ENO2: variants seen among roughly 807,000 people sequenced by gnomAD.
ENO2 encodes the protein enolase 2.
In ENO2, 19 loss-of-function variants were observed where a neutral mutation model predicts 48.7. The observed-to-expected ratio is 0.39, with a 90% confidence interval of 0.27 to 0.57. The LOEUF (loss-of-function observed/expected upper bound fraction) is 0.57, where lower values mean the gene tolerates loss of function less well. ENO2 is among the 20% of genes least tolerant of loss of function. The probability of loss-of-function intolerance (pLI) is 0.58; values close to 1 mark genes in which losing one functional copy is unlikely to be tolerated. For synonymous variants in ENO2, 198 were observed against 213.4 expected, an observed-to-expected ratio of 0.93 and a Z score of 0.63; for missense variants, 416 against 555.0, an observed-to-expected ratio of 0.75 and a Z score of 2.52.
chr12:6,916,901 C>T lies in ENO2; in HGVS notation c.241-137C>T. ...CCTGCTCCCATGGGAGTTCAGGTCC[C>T]CTAATCCAGGTAGGCCCCTGTCACA... On this transcript the variant is annotated intron_variant, in intron 4 of 11. Coordinates refer to ENST00000229277, the MANE Select transcript of ENO2 (RefSeq NM_001975.3). The surrounding 1 kb of genome is among the most constrained non-coding windows in gnomAD (Gnocchi z 4.5). The T allele has an allele frequency of 4.2e-6, 6 of 1,414,342 alleles. No homozygotes were observed. The highest frequency in any genetic ancestry group is 5.9e-6 in the Non-Finnish European group (6 of 1,020,766). 87.6% of individuals were successfully genotyped at this position (1,414,342 alleles called of 1,614,324 possible).
intron 9 of ENO2, 102 bp from the exon 10 acceptor site, chr12:6,921,954 G>T: frequency 2.6e-6 from 4 of 1,550,326 alleles, no homozygotes; most frequent in Non-Finnish European, 3.6e-6. Flanking sequence ...TCCCCTCCCA[G>T]ATAGCTTTCC....
chr12:6,916,676 C>T lies in ENO2; in HGVS notation c.187C>T (p.Leu63=), dbSNP rs1945294845. ...CAGCCTCTTCCTTTCCCCAGGTGTC[C>T]TGAAGGCAGTGGACCACATCAACTC... ...DKQRYLGKGV[L]KAVDHINSTI... The change falls in exon 4 of 12, where the codon CTG becomes TTG. Residue 63 remains leucine (L), a synonymous_variant. Transcript: ENST00000229277. This position sits in a 1 kb window ranked among gnomAD's most constrained non-coding sequence, Gnocchi z 4.5. 6.2e-7 allele frequency: 1 copy of T among 1,614,058 alleles called. No individual in the cohort carries two copies. The highest frequency in any genetic ancestry group is 1.7e-5 in the Admixed American group (1 of 60,006).
chr12:6,917,956 A>T lies in ENO2; in HGVS notation c.461A>T (p.Asn154Ile), dbSNP rs781989065. 1.2e-6 allele frequency: 2 copies of T among 1,614,122 alleles called. No individual in the cohort carries two copies. Among genetic ancestry groups the T allele is most frequent in the Non-Finnish European group, 1.7e-6 (2 of 1,180,010 alleles). Residue 154 changes from asparagine (N) to isoleucine (I), a missense_variant, in exon 7 of 12, where the codon AAT (asparagine) becomes ATT (isoleucine). Transcript: ENST00000229277. ...ILPVPAFNVI[N>I]GGSHAGNKLA... ...GCTCCCCAGGCCTTCAACGTGATCA[A>T]TGGTGGCTCTCATGCTGGCAACAAG...
chr12:6,921,122 T>C (rs909922266), intron 8 of ENO2, among the ~76,000 whole-genome samples: 2 of 151,660 alleles, frequency 1.3e-5, no homozygotes, highest in Non-Finnish European at 2.9e-5. Flanking sequence ...GAGCCAGGCG[T>C]GGTGGCTCAT....
Position 6,917,648 on chromosome 12 carries a change from G to A in ENO2, c.378G>A (p.Arg126=). 2 of 1,613,820 alleles carry A rather than the reference G, an allele frequency of 1.2e-6. No individual in the cohort carries two copies. The highest frequency in any genetic ancestry group is 1.7e-6 in the Non-Finnish European group (2 of 1,179,918). ...TGTGTAAGGCAGGGGCAGCTGAGCGGGAACTGCCCCTGTATCGCCACATTG... is the reference window on the plus strand; with the variant it reads ...TGTGTAAGGCAGGGGCAGCTGAGCGAGAACTGCCCCTGTATCGCCACATTG... ...LAVCKAGAAE[R]ELPLYRHIAQ... The change falls in exon 6 of 12, where the codon CGG becomes CGA. Residue 126 remains arginine, a synonymous_variant. Coordinates refer to ENST00000229277, the MANE Select transcript of ENO2 (RefSeq NM_001975.3).
rs1945354130 is a variant in ENO2, at chr12:6,922,865, C to G, written c.*65C>G. 6.3e-7 allele frequency: 1 copy of G among 1,579,366 alleles called. No homozygotes were observed. Among genetic ancestry groups the G allele is most frequent in the Non-Finnish European group, 8.7e-7 (1 of 1,150,294 alleles). On this transcript the variant is annotated 3_prime_UTR_variant, in exon 12 of 12. Transcript: ENST00000229277. The surrounding 1 kb of genome is among the most constrained non-coding windows in gnomAD (Gnocchi z 5.3). Reference sequence around the variant, plus strand: ...CCTCCTGGAACCTTGCTGTCCTGATCTGTGATAGTTCACCCCCTGAGATCC... The same window carrying G: ...CCTCCTGGAACCTTGCTGTCCTGATGTGTGATAGTTCACCCCCTGAGATCC...
intron 8 of ENO2, 31 bp from the exon 9 acceptor site, chr12:6,921,550 C>G (rs781891397): frequency 1.7e-5 from 27 of 1,608,114 alleles, no homozygotes; most frequent in Non-Finnish European, 2.2e-5. Flanking sequence ...AGATGAACAC[C>G]TCCCCCCTCC....
At chr12:6,918,307 A>G (rs893562047) in intron 7 of ENO2, 145 bp downstream of exon 7, 2 of 782,310 alleles carry the variant, frequency 2.6e-6, no homozygotes, top group South Asian at 1.8e-5. Flanking sequence ...CTTAGAGTGG[A>G]TTGCAGAGAG....
At chr12:6,918,542 A>G (rs190229761) in intron 7 of ENO2, among the ~76,000 whole-genome samples, 1,729 of 151,138 alleles carry the variant, frequency 0.011, 26 homozygotes, top group African/African-American at 0.038. Context: ...TAGTAGAGAC[A>G]GGGTTTCACT....
Position 6,916,386 on chromosome 12 carries a change from C to T in ENO2, c.86-31C>T, listed in dbSNP as rs1555141598. The stretch of plus-strand genomic sequence containing the variant: ...GACTCCCTGGCCCCTGTGTCCTCTT[C>T]ACTCCCTCTCATTCCATGTTCCTCC... On this transcript the variant is annotated intron_variant, in intron 2 of 11. Coordinates refer to ENST00000229277, the MANE Select transcript of ENO2 (RefSeq NM_001975.3). This position sits in a 1 kb window ranked among gnomAD's most constrained non-coding sequence, Gnocchi z 4.5. 6.2e-7 allele frequency: 1 copy of T among 1,602,240 alleles called. No individual in the cohort carries two copies. The highest frequency in any genetic ancestry group is 1.7e-5 in the Admixed American group (1 of 58,508).
At chr12:6,917,809 A>T in intron 6 of ENO2, 95 bp downstream of exon 6, 1 of 1,578,064 alleles carries the variant, frequency 6.3e-7, no homozygotes, top group South Asian at 1.1e-5. Context: ...GAATTGAGGG[A>T]GGTAAAGAGG....
At chr12:6,919,523 TC>T in intron 7 of ENO2, 42 bp from the exon 8 acceptor site, 1 of 1,605,178 alleles carries the variant, frequency 6.2e-7, no homozygotes, top group African/African-American at 1.3e-5. Flanking sequence ...TCCTTGCCCA[TC>T]CCTCCTGCTT....
Position 6,916,013 on chromosome 12 carries a change from G to A in ENO2, c.85+96G>A. The A allele has an allele frequency of 7.7e-7, 1 of 1,297,112 alleles. No individual in the cohort carries two copies. The highest frequency in any genetic ancestry group is 1.8e-5 in the Admixed American group (1 of 56,488). The allele number at this position is 1,297,112 out of a possible 1,614,324, so 80.4% of individuals were successfully genotyped here. A position where few individuals can be genotyped will look rare whatever the true frequency, so the allele number is the denominator to read the frequency against. On this transcript the variant is annotated intron_variant, in intron 2 of 11. Coordinates refer to ENST00000229277, the MANE Select transcript of ENO2 (RefSeq NM_001975.3). This position sits in a 1 kb window ranked among gnomAD's most constrained non-coding sequence, Gnocchi z 4.5. The stretch of plus-strand genomic sequence containing the variant: ...TCGGAGGCCTTTTTTGATACCCAGG[G>A]GTATGGGGTGCTGGGCCAGGCTCAC...
chr12:6,917,664 C>A lies in ENO2; in HGVS notation c.394C>A (p.Arg132Ser). 1.2e-6 allele frequency: 2 copies of A among 1,604,784 alleles called. No homozygotes were observed. The highest frequency in any genetic ancestry group is 1.7e-6 in the Non-Finnish European group (2 of 1,174,894). ...AGCTGAGCGGGAACTGCCCCTGTAT[C>A]GCCACATTGCTCAGCTGGCCGGGAA... ...GAAERELPLYRHIAQLAGNSD... is the reference protein window; with the variant it reads ...GAAERELPLYSHIAQLAGNSD... The change falls in exon 6 of 12, where the codon CGC becomes AGC. Residue 132 changes from arginine to serine, a missense_variant. Transcript: ENST00000229277.
Position 6,919,774 on chromosome 12 carries a change from G to A in ENO2, c.865+11G>A. 6.2e-7 allele frequency: 1 copy of A among 1,612,340 alleles called. No individual in the cohort carries two copies. Among genetic ancestry groups the A allele is most frequent in the Non-Finnish European group, 8.5e-7 (1 of 1,179,198 alleles). ...TCAGGGACTATCCTGGTGAGAGGAA[G>A]TGGTGTGAGGGGGAGGTCTGGGGGC... On this transcript the variant is annotated intron_variant, in intron 8 of 11. Coordinates refer to ENST00000229277, the MANE Select transcript of ENO2 (RefSeq NM_001975.3).
intron 8 of ENO2, among the ~76,000 whole-genome samples, chr12:6,920,864 G>A (rs1281021346): frequency 1.4e-5 from 2 of 144,564 alleles, no homozygotes; most frequent in Admixed American, 1.4e-4. Flanking sequence ...CCCAGCCTAT[G>A]GAAGTGGCGT....
Position 6,922,491 on chromosome 12 carries a change from T to C in ENO2, c.1235+89T>C. ...CCATCTGTAGCACCAAGGGCCTGGATAACAGTCCATTTCCTGGATAACAGT... is the reference window on the plus strand; with the variant it reads ...CCATCTGTAGCACCAAGGGCCTGGACAACAGTCCATTTCCTGGATAACAGT... On this transcript the variant is annotated intron_variant, in intron 11 of 11. Coordinates refer to ENST00000229277, the MANE Select transcript of ENO2 (RefSeq NM_001975.3). This position sits in a 1 kb window ranked among gnomAD's most constrained non-coding sequence, Gnocchi z 5.3. The C allele has an allele frequency of 6.6e-7, 1 of 1,522,680 alleles. No individual in the cohort carries two copies. Among genetic ancestry groups the C allele is most frequent in the South Asian group, 1.1e-5 (1 of 89,098 alleles). 94.3% of individuals were successfully genotyped at this position (1,522,680 alleles called of 1,614,324 possible).
chr12:6,915,694 A>ACCC, intron 1 of ENO2, 127 bp from the exon 2 acceptor site: 1 of 145,570 alleles, frequency 6.9e-6, no homozygotes, highest in South Asian at 6.7e-5. Context: ...GCGCCTCCCT[A>ACCC]CCCACCCCCC....
rs1465156270 is a variant in ENO2, at chr12:6,922,934, C to T, written c.*134C>T. The T allele has an allele frequency of 1.5e-5, 13 of 895,124 alleles. No homozygotes were observed. The highest frequency in any genetic ancestry group is 8.7e-5 in the South Asian group (6 of 68,588). 55.4% of individuals were successfully genotyped at this position (895,124 alleles called of 1,614,324 possible). A position where few individuals can be genotyped will look rare whatever the true frequency, so the allele number is the denominator to read the frequency against. ...CAGAACTTCCCTGATTGACCTGCTCCGCTGCTCCTTGGCTTACCTGACCTC... is the reference window on the plus strand; with the variant it reads ...CAGAACTTCCCTGATTGACCTGCTCTGCTGCTCCTTGGCTTACCTGACCTC... On this transcript the variant is annotated 3_prime_UTR_variant, in exon 12 of 12. Coordinates refer to ENST00000229277, the MANE Select transcript of ENO2 (RefSeq NM_001975.3). The surrounding 1 kb of genome is among the most constrained non-coding windows in gnomAD (Gnocchi z 5.3).
Sources: allele counts gnomAD v4.1 joint callset (sites outside exome capture counted in the v4.1 genomes callset), GRCh38; gene constraint gnomAD v4.1.1; non-coding constraint Gnocchi (gnomAD v3.1); transcripts MANE v1.5; gene names NCBI Gene and HGNC (gene_info 2026-07-23, HGNC 2026-07-21).